Variants in ANKS1B observed in about 807,000 individuals in gnomAD.
ANKS1B encodes ankyrin repeat and sterile alpha motif domain-containing protein 1B.
Under a neutral mutation model 148.3 loss-of-function variants are expected in ANKS1B, and 36 were observed. That is an observed-to-expected ratio of 0.24 (90% CI 0.19 to 0.32). The LOEUF is 0.32. Among genes scored for constraint, ANKS1B ranks in the 10% least tolerant of loss-of-function variants. The pLI is 1.00. For missense variants in ANKS1B, 1,157 were observed against 1,542.6 expected (o/e 0.75, Z 4.19); for synonymous variants, 542 against 560.8 (o/e 0.97, Z 0.47).
At chr12:99,964,687 C>T (rs1424205363) in intron 1 of ANKS1B, among the ~76,000 whole-genome samples, 1 of 152,194 alleles carries the variant, frequency 6.6e-6, no homozygotes, top group Non-Finnish European at 1.5e-5. Flanking sequence ...AGTATCCAAA[C>T]AGAATGAGAG....
chr12:99,320,706 A>G (rs1272700464), intron 12 of ANKS1B, among the ~76,000 whole-genome samples: 4 of 152,070 alleles, frequency 2.6e-5, no homozygotes, highest in Non-Finnish European at 5.9e-5. Flanking sequence ...CAACTCATCA[A>G]AGTCATTTTC....
At chr12:99,449,174 C>T (rs1170144740) in intron 10 of ANKS1B, among the ~76,000 whole-genome samples, 4 of 152,062 alleles carry the variant, frequency 2.6e-5, no homozygotes, top group Non-Finnish European at 5.9e-5. Flanking sequence ...TTCAAGCTTA[C>T]TTTTATATTA....
chr12:99,886,227 A>T (rs1365574833), intron 1 of ANKS1B, among the ~76,000 whole-genome samples: 1 of 152,178 alleles, frequency 6.6e-6, no homozygotes, highest in Non-Finnish European at 1.5e-5. Context: ...ATCTCACTGC[A>T]GTTTTAATTT....
At chr12:98,775,354 G>A (rs1434923390) in intron 24 of ANKS1B, among the ~76,000 whole-genome samples, 2 of 152,142 alleles carry the variant, frequency 1.3e-5, no homozygotes, top group Admixed American at 6.5e-5. Flanking sequence ...TGGCCTGGGG[G>A]AAAGTTGCAA....
chr12:99,924,388 C>G (rs1398667555), intron 1 of ANKS1B, among the ~76,000 whole-genome samples: 1 of 152,128 alleles, frequency 6.6e-6, no homozygotes, highest in Non-Finnish European at 1.5e-5. Context: ...TCCCCATTCT[C>G]TTTTTAAAAC....
intron 12 of ANKS1B, among the ~76,000 whole-genome samples, chr12:99,336,802 T>TGCCTGTAGTCCCAGCTACTCGGGAGGC (rs1369084724): frequency 4.0e-5 from 6 of 151,764 alleles, no homozygotes; most frequent in South Asian, 2.1e-4. Flanking sequence ...GATTTTTTCC[T>TGCCTGTAGTCCCAGCTACTCGGGAGGC]TCAGCACTTT....
intron 1 of ANKS1B, among the ~76,000 whole-genome samples, chr12:99,939,971 A>C (rs1220038652): frequency 6.6e-6 from 1 of 152,222 alleles, no homozygotes; most frequent in East Asian, 1.9e-4. Context: ...AATGTTAAAA[A>C]GGCTTTTTGC....
At chr12:99,171,017 G>A (rs1004836165) in intron 14 of ANKS1B, among the ~76,000 whole-genome samples, 5 of 152,182 alleles carry the variant, frequency 3.3e-5, no homozygotes, top group African/African-American at 1.2e-4. Flanking sequence ...CCACATTGGG[G>A]AAAGAAACTG....
At chr12:99,290,429 T>C (rs1023901226) in intron 12 of ANKS1B, among the ~76,000 whole-genome samples, 5 of 151,960 alleles carry the variant, frequency 3.3e-5, no homozygotes, top group Non-Finnish European at 7.4e-5. Context: ...AAGCCAGTAT[T>C]ATGCTGATAT....
At chr12:98,784,414 GT>G (rs2098769226) in intron 22 of ANKS1B, among the ~76,000 whole-genome samples, 1 of 152,170 alleles carries the variant, frequency 6.6e-6, no homozygotes, top group South Asian at 2.1e-4. Context: ...GGCTTAGAAG[GT>G]AGGAGCAATG....
chr12:99,722,964 T>C (rs1209707150), intron 8 of ANKS1B, among the ~76,000 whole-genome samples: 1 of 152,128 alleles, frequency 6.6e-6, no homozygotes, highest in Non-Finnish European at 1.5e-5. Context: ...AGGTGATGAG[T>C]GAGTGTGCCA....
chr12:99,058,719 C>CTTTTT lies in ANKS1B; in HGVS notation c.2626-5415_2626-5411dup, dbSNP rs869064302. Among the ~76,000 whole-genome samples, 5 of 80,686 alleles carry CTTTTT rather than the reference C, an allele frequency of 6.2e-5. 2 individuals are homozygous for CTTTTT. Among genetic ancestry groups the CTTTTT allele is most frequent in the Admixed American group, 1.5e-4 (1 of 6,768 alleles). 52.9% of individuals were successfully genotyped at this position (80,686 alleles called of 152,430 possible). A position where few individuals can be genotyped will look rare whatever the true frequency, so the allele number is the denominator to read the frequency against. The stretch of plus-strand genomic sequence containing the variant: ...TTCTCCTAATGAAATTCTATCTATC[C>CTTTTT]TTTTTTTTTTTTTTTTTTTTTTTTT... On this transcript the variant is annotated intron_variant, in intron 16 of 26. Transcript: ENST00000683438.
chr12:98,775,375 G>A lies in ANKS1B; in HGVS notation c.3442-2196C>T, dbSNP rs955898239. On this transcript the variant is annotated intron_variant, in intron 24 of 26. Coordinates refer to ENST00000683438, the MANE Select transcript of ANKS1B (RefSeq NM_001352186.2). The stretch of plus-strand genomic sequence containing the variant: ...GGGGGAAAGTTGCAAAGGAGGAAAA[G>A]TATATCTTTGGTACTCTCTCCTCCT... 5.9e-5 allele frequency among the ~76,000 whole-genome samples: 9 copies of A among 152,154 alleles called. 1 individual carries two copies. The highest frequency in any genetic ancestry group is 2.2e-4 in the African/African-American group (9 of 41,440).
chr12:99,239,254 A>C (rs1379213952), intron 14 of ANKS1B, among the ~76,000 whole-genome samples: 1 of 152,246 alleles, frequency 6.6e-6, no homozygotes, highest in East Asian at 1.9e-4. Flanking sequence ...CCAAAGCACA[A>C]GAACCTCATG....
At chr12:99,595,517 G>C (rs2097750225) in intron 9 of ANKS1B, among the ~76,000 whole-genome samples, 2 of 151,800 alleles carry the variant, frequency 1.3e-5, no homozygotes, top group Non-Finnish European at 2.9e-5. Context: ...TTTCAGAAAA[G>C]AGGAAATCTT....
chr12:99,541,847 C>T (rs1165350498), intron 9 of ANKS1B, among the ~76,000 whole-genome samples: 1 of 134,246 alleles, frequency 7.4e-6, no homozygotes, highest in African/African-American at 2.6e-5. Context: ...GAGCGAGACT[C>T]CGTCTAAAAA....
At chr12:98,853,082 G>A (rs1469124184) in intron 17 of ANKS1B, among the ~76,000 whole-genome samples, 2 of 152,240 alleles carry the variant, frequency 1.3e-5, no homozygotes, top group African/African-American at 4.8e-5. Context: ...GCTGGATACT[G>A]TCTTAGGACC....
chr12:99,363,001 G>A (rs1341103397), intron 12 of ANKS1B, among the ~76,000 whole-genome samples: 1 of 152,008 alleles, frequency 6.6e-6, no homozygotes, highest in Non-Finnish European at 1.5e-5. Flanking sequence ...ACATCTCAGT[G>A]ATGTTTAAAA....
intron 19 of ANKS1B, among the ~76,000 whole-genome samples, chr12:98,820,605 T>C (rs1050207573): frequency 2.6e-5 from 4 of 152,190 alleles, no homozygotes; most frequent in African/African-American, 9.7e-5. Flanking sequence ...ATAGCCAACA[T>C]ACACTTTACC....
Sources: allele counts gnomAD v4.1 joint callset (sites outside exome capture counted in the v4.1 genomes callset), GRCh38; gene constraint gnomAD v4.1.1; transcripts MANE v1.5; gene names NCBI Gene and HGNC (gene_info 2026-07-23, HGNC 2026-07-21).